The following RBFOX1 variants were observed in gnomAD, a reference collection of about 807,000 sequenced individuals.
RBFOX1 encodes the protein RNA binding protein fox-1 homolog 1.
A neutral mutation model predicts 57.7 loss-of-function variants in RBFOX1; 8 were observed. That is an observed-to-expected ratio of 0.14 (90% CI 0.08 to 0.25). The LOEUF (loss-of-function observed/expected upper bound fraction) is 0.25. Among genes scored for constraint, RBFOX1 ranks in the 10% least tolerant of loss-of-function variants. The pLI, the probability that RBFOX1 is intolerant of heterozygous loss-of-function variation, is 1.00. For missense variants in RBFOX1, 611 were observed against 548.5 expected (o/e 1.11, Z -1.14); for synonymous variants, 326 against 222.4 (o/e 1.47, Z -4.15).
chr16:7,235,929 A>C (rs934611206), intron 4 of RBFOX1, among the ~76,000 whole-genome samples: 13 of 152,142 alleles, frequency 8.5e-5, no homozygotes, highest in African/African-American at 2.7e-4. Context: ...GTTCTCTCTT[A>C]ATGACAGCCA....
intron 1 of RBFOX1, among the ~76,000 whole-genome samples, chr16:6,163,281 G>A (rs1207747582): frequency 1.3e-5 from 2 of 152,164 alleles, no homozygotes; most frequent in African/African-American, 2.4e-5. Context: ...GGGAGGTAAA[G>A]ACCAGAGAAT....
At chr16:6,706,768 G>T (rs564418104) in intron 3 of RBFOX1, among the ~76,000 whole-genome samples, 2 of 149,868 alleles carry the variant, frequency 1.3e-5, no homozygotes, top group Non-Finnish European at 2.9e-5. Flanking sequence ...CAAGACATAC[G>T]GCCAGAGCTG....
intron 1 of RBFOX1, among the ~76,000 whole-genome samples, chr16:6,060,364 T>C (rs1291676834): frequency 6.6e-6 from 1 of 152,076 alleles, no homozygotes; most frequent in African/African-American, 2.4e-5. Flanking sequence ...AATGAGTTAA[T>C]AGATATAAAA....
chr16:7,527,275 C>T (rs1409277470), intron 5 of RBFOX1, among the ~76,000 whole-genome samples: 1 of 152,194 alleles, frequency 6.6e-6, no homozygotes, highest in South Asian at 2.1e-4. Context: ...AATACATGGC[C>T]CTTGGCTTTC....
chr16:6,382,204 G>C (rs1329945964), intron 2 of RBFOX1, among the ~76,000 whole-genome samples: 1 of 152,138 alleles, frequency 6.6e-6, no homozygotes, highest in Non-Finnish European at 1.5e-5. Context: ...ATTTAAAATT[G>C]CAAGAGCCAT....
chr16:5,651,391 C>A (rs1423483477), intron 3 of RBFOX1, among the ~76,000 whole-genome samples: 1 of 152,042 alleles, frequency 6.6e-6, no homozygotes, highest in Admixed American at 6.6e-5. Context: ...CTGGAGCAAC[C>A]TGCAGAATGT....
chr16:6,757,285 AT>A (rs1462404721), intron 3 of RBFOX1, among the ~76,000 whole-genome samples: 5 of 152,082 alleles, frequency 3.3e-5, no homozygotes, highest in African/African-American at 1.2e-4. Context: ...ATCCAGCAAA[AT>A]CCCACTGTGG....
chr16:5,694,792 G>C (rs544889617), intron 3 of RBFOX1, among the ~76,000 whole-genome samples: 234 of 98,002 alleles, frequency 2.4e-3, no homozygotes, highest in African/African-American at 6.0e-3. Flanking sequence ...TGGGGAGTTG[G>C]GTTTGTTTTT....
intron 2 of RBFOX1, among the ~76,000 whole-genome samples, chr16:5,545,949 T>C (rs2045181830): frequency 1.3e-5 from 2 of 152,146 alleles, no homozygotes; most frequent in African/African-American, 4.8e-5. Context: ...ACTTTTTTTT[T>C]GCTGAACAAC....
intron 1 of RBFOX1, among the ~76,000 whole-genome samples, chr16:5,287,709 A>C (rs1257196609): frequency 2.0e-5 from 3 of 152,230 alleles, no homozygotes; most frequent in Admixed American, 1.3e-4. Context: ...TGGTGATAGC[A>C]GGAGTGAGCG....
At chr16:5,422,220 G>GGGA (rs535598482) in intron 1 of RBFOX1, among the ~76,000 whole-genome samples, 6 of 150,002 alleles carry the variant, frequency 4.0e-5, no homozygotes, top group Admixed American at 2.7e-4. Context: ...GGAGGAGAGA[G>GGGA]GAGGGAGAGG....
intron 14 of RBFOX1, among the ~76,000 whole-genome samples, chr16:7,701,028 C>T (rs144278729): frequency 6.6e-6 from 1 of 152,224 alleles, no homozygotes; most frequent in African/African-American, 2.4e-5. Flanking sequence ...CATGTAGGGT[C>T]TAAAAAGCTC....
intron 3 of RBFOX1, among the ~76,000 whole-genome samples, chr16:5,619,481 C>T (rs1053877267): frequency 1.3e-5 from 2 of 152,344 alleles, no homozygotes; most frequent in East Asian, 1.9e-4. Context: ...AGACTTCACT[C>T]ACAATCCAGG....
intron 1 of RBFOX1, among the ~76,000 whole-genome samples, chr16:5,446,956 C>T (rs1329726798): frequency 2.0e-5 from 3 of 152,188 alleles, no homozygotes; most frequent in Non-Finnish European, 4.4e-5. Context: ...ACAACTCCCA[C>T]ACAGTCATCT....
chr16:6,941,056 G>A (rs7500208), intron 3 of RBFOX1, among the ~76,000 whole-genome samples: 2,492 of 152,148 alleles, frequency 0.016, 80 homozygotes, highest in African/African-American at 0.057. Flanking sequence ...GTGCGTGTAC[G>A]TAAGTGTGGA....
Position 6,616,381 on chromosome 16 carries a change from GT to G in RBFOX1, c.-63-38209del, listed in dbSNP as rs34635131. Among the ~76,000 whole-genome samples the G allele has an allele frequency of 2.1e-3, 293 of 142,552 alleles. 1 individual carries two copies. The highest frequency in any genetic ancestry group is 0.01 in the Admixed American group (144 of 14,264). The allele number at this position is 142,552 out of a possible 152,430, so 93.5% of individuals were successfully genotyped here. A position where few individuals can be genotyped will look rare whatever the true frequency, so the allele number is the denominator to read the frequency against. On this transcript the variant is annotated intron_variant, in intron 2 of 15. Transcript: ENST00000550418. ...GACTCAAATACAGTAAAAATGTTTGGTTTTTTTTTTTTTGGCCAGGCGTGAT... is the reference window on the plus strand; with the variant it reads ...GACTCAAATACAGTAAAAATGTTTGGTTTTTTTTTTTTGGCCAGGCGTGAT...
At chr16:7,424,680 G>C (rs539701668) in intron 4 of RBFOX1, among the ~76,000 whole-genome samples, 1 of 152,286 alleles carries the variant, frequency 6.6e-6, no homozygotes, top group South Asian at 2.1e-4. Context: ...CCCAGGATAA[G>C]AAGGAAATGA....
At chr16:7,249,416 C>T (rs1409447157) in intron 4 of RBFOX1, among the ~76,000 whole-genome samples, 1 of 152,084 alleles carries the variant, frequency 6.6e-6, no homozygotes, top group Non-Finnish European at 1.5e-5. Context: ...TTCCAAGGGC[C>T]ATAGAAATTG....
rs960876613 is a variant in RBFOX1 at position 5,446,606 on chromosome 16, T to G, written c.220-20610T>G. ...TAACAGGAGGGTGGCTTGATCCGAT[T>G]TGTACTCTGAAGACCCCTGTGGATT... On this transcript the variant is annotated intron_variant, in intron 1 of 2. Coordinates refer to the RBFOX1 transcript ENST00000585867. 5.9e-5 allele frequency among the ~76,000 whole-genome samples: 9 copies of G among 152,210 alleles called. No homozygotes were observed. The East Asian group carries it at 9.7e-4, about 16-fold the overall frequency.
Sources: allele counts gnomAD v4.1 joint callset (sites outside exome capture counted in the v4.1 genomes callset), GRCh38; gene constraint gnomAD v4.1.1; transcripts MANE v1.5; gene names NCBI Gene and HGNC (gene_info 2026-07-23, HGNC 2026-07-21).